The following ANTXR2 variants were observed in gnomAD, a reference collection of about 807,000 sequenced individuals.
ANTXR2 encodes anthrax toxin receptor 2.
Under a neutral mutation model 73.7 loss-of-function variants are expected in ANTXR2, and 44 were observed. The ratio of observed to expected loss-of-function variants is 0.60; its 90% CI spans 0.47 to 0.77. The LOEUF is 0.77. ANTXR2 is among the 30% of genes least tolerant of loss of function. The probability of loss-of-function intolerance (pLI) is 0.00; values close to 1 mark genes in which losing one functional copy is unlikely to be tolerated. For synonymous variants in ANTXR2, 217 were observed against 205.9 expected (o/e 1.05, Z -0.46); for missense variants, 604 against 592.5 (o/e 1.02, Z -0.20).
intron 15 of ANTXR2, 86 bp from the exon 16 acceptor site, chr4:79,977,787 T>A: frequency 7.3e-7 from 1 of 1,361,494 alleles, no homozygotes; most frequent in Non-Finnish European, 1.0e-6. Context: ...ACGAAGAAAG[T>A]AAAATCTTCT....
At chr4:80,042,685 G>T (rs1269550293) in intron 7 of ANTXR2, among the ~76,000 whole-genome samples, 1 of 152,014 alleles carries the variant, frequency 6.6e-6, no homozygotes, top group Non-Finnish European at 1.5e-5. Context: ...AACTCAAAGT[G>T]ATGTTTGTTA....
intron 14 of ANTXR2, among the ~76,000 whole-genome samples, chr4:79,983,675 T>TAATGAAACC (rs1313847466): frequency 6.6e-6 from 1 of 152,088 alleles, no homozygotes; most frequent in Non-Finnish European, 1.5e-5. Flanking sequence ...ATCCTTTGAC[T>TAATGAAACC]AATGAAACCA....
chr4:79,966,290 T>C (rs1476920179), intron 16 of ANTXR2, among the ~76,000 whole-genome samples: 1 of 152,182 alleles, frequency 6.6e-6, no homozygotes, highest in Admixed American at 6.5e-5. Context: ...TAATTTTCTT[T>C]AGTACATGTA....
At chr4:80,046,235 A>C (rs763066306) in intron 7 of ANTXR2, among the ~76,000 whole-genome samples, 2 of 151,762 alleles carry the variant, frequency 1.3e-5, no homozygotes, top group Non-Finnish European at 2.9e-5. Context: ...AGTTTCTTCC[A>C]CATCTCACAA....
At chr4:79,965,493 C>T (rs1343331927) in intron 16 of ANTXR2, among the ~76,000 whole-genome samples, 2 of 152,194 alleles carry the variant, frequency 1.3e-5, no homozygotes, top group Non-Finnish European at 2.9e-5. Context: ...ATTGTTTAAA[C>T]TCTTCCTGAT....
intron 11 of ANTXR2, among the ~76,000 whole-genome samples, chr4:80,010,272 C>T (rs1731508896): frequency 6.6e-6 from 1 of 152,054 alleles, no homozygotes; most frequent in Non-Finnish European, 1.5e-5. Context: ...TCTAGGCAAA[C>T]AAGAATATAA....
intron 16 of ANTXR2, among the ~76,000 whole-genome samples, chr4:79,921,947 A>C (rs1431351119): frequency 5.3e-5 from 8 of 152,096 alleles, no homozygotes; most frequent in Non-Finnish European, 7.4e-5. Context: ...TCTAGTAATA[A>C]GATGTAATAA....
intron 11 of ANTXR2, among the ~76,000 whole-genome samples, chr4:80,016,197 T>G (rs962267787): frequency 3.9e-5 from 6 of 152,208 alleles, no homozygotes; most frequent in Admixed American, 6.5e-5. Flanking sequence ...TCACAGCCTG[T>G]AGGATGAACT....
intron 12 of ANTXR2, among the ~76,000 whole-genome samples, chr4:80,003,275 A>G (rs1186132816): frequency 5.9e-5 from 9 of 151,724 alleles, no homozygotes; most frequent in African/African-American, 2.2e-4. Flanking sequence ...CATGGATGAA[A>G]TTGGAAATCA....
chr4:79,952,109 C>T (rs1021424755), intron 16 of ANTXR2, among the ~76,000 whole-genome samples: 1 of 150,754 alleles, frequency 6.6e-6, no homozygotes. Context: ...TTTAAACCAC[C>T]AAAATTATTT....
intron 16 of ANTXR2, among the ~76,000 whole-genome samples, chr4:79,910,532 G>GAAAAAAAAAAAAAAAAAAAAAAA (rs10718867): frequency 7.3e-6 from 1 of 137,570 alleles, no homozygotes; most frequent in African/African-American, 2.7e-5. Context: ...AGAAAAAAAA[G>GAAAAAAAAAAAAAAAAAAAAAAA]AAAAAAAAAA....
At chr4:80,049,770 G>A (rs1319215091) in intron 7 of ANTXR2, among the ~76,000 whole-genome samples, 1 of 151,708 alleles carries the variant, frequency 6.6e-6, no homozygotes, top group East Asian at 1.9e-4. Flanking sequence ...GAACCCTATA[G>A]CCAGTGAGCT....
At chr4:79,985,349 C>CA (rs369006459) in intron 12 of ANTXR2, among the ~76,000 whole-genome samples, 1,556 of 116,654 alleles carry the variant, frequency 0.013, 35 homozygotes, top group African/African-American at 0.043. Flanking sequence ...GACTCTGTCT[C>CA]AAAAAAAAAA....
chr4:80,002,926 G>C (rs529132224), intron 12 of ANTXR2, among the ~76,000 whole-genome samples: 2,843 of 141,158 alleles, frequency 0.02, 93 homozygotes, highest in African/African-American at 0.066. Flanking sequence ...TGCTGGAGAG[G>C]ATGTGGAGAA....
intron 12 of ANTXR2, among the ~76,000 whole-genome samples, chr4:79,993,575 A>G (rs1269320287): frequency 6.6e-6 from 1 of 151,994 alleles, no homozygotes; most frequent in Non-Finnish European, 1.5e-5. Context: ...CTGTAGTCTA[A>G]TTATGTTTGA....
At chr4:80,020,983 C>T (rs1336509119) in intron 10 of ANTXR2, among the ~76,000 whole-genome samples, 2 of 151,592 alleles carry the variant, frequency 1.3e-5, no homozygotes, top group African/African-American at 4.8e-5. Flanking sequence ...CCCGTCTCTA[C>T]TAAAAATACA....
Position 79,978,038 on chromosome 4 carries a change from G to T in ANTXR2, c.1316C>A (p.Pro439His). 6.2e-7 allele frequency: 1 copy of T among 1,607,328 alleles called. No homozygotes were observed. The highest frequency in any genetic ancestry group is 8.5e-7 in the Non-Finnish European group (1 of 1,177,858). The change falls in exon 15 of 17, where the codon CCT becomes CAT. Residue 439 changes from proline to histidine, a missense_variant. Pro to His is a moderately conservative substitution (Grantham distance 77, BLOSUM62 -2). Coordinates refer to ENST00000403729, the MANE Select transcript of ANTXR2 (RefSeq NM_058172.6). ...TGGGGTGTACCATTTTGTCTGAGGA[G>T]GCTGGTGTGTGGGTTTGGGTCGAGG... is the stretch of plus-strand genomic sequence containing the variant. ...RPPRPKPTHQ[P>H]PQTKWYTPIK...
At chr4:80,035,442 A>T (rs937738679) in intron 8 of ANTXR2, among the ~76,000 whole-genome samples, 3 of 152,156 alleles carry the variant, frequency 2.0e-5, no homozygotes, top group Non-Finnish European at 2.9e-5. Context: ...AAGAAACAAA[A>T]TAGGCCAGAG....
chr4:80,038,162 T>C (rs1366617221), intron 7 of ANTXR2, among the ~76,000 whole-genome samples: 1 of 152,094 alleles, frequency 6.6e-6, no homozygotes, highest in Non-Finnish European at 1.5e-5. Flanking sequence ...TACAAAAGGA[T>C]TTTCTAAAGA....
Sources: gnomAD v4.1 joint callset for allele counts (sites outside exome capture counted in the v4.1 genomes callset) on GRCh38, gnomAD v4.1.1 for gene constraint, MANE v1.5 for transcripts, NCBI Gene and HGNC (gene_info 2026-07-23, HGNC 2026-07-21) for gene names.